SLC44A5: variants seen among roughly 807,000 people sequenced by gnomAD.
SLC44A5 encodes choline transporter-like protein 5.
In SLC44A5, 57 loss-of-function variants were observed where a neutral mutation model predicts 101.8. The observed-to-expected ratio is 0.56, with a 90% confidence interval of 0.45 to 0.70. The LOEUF (loss-of-function observed/expected upper bound fraction) is 0.70. Ranked by LOEUF, SLC44A5 falls within the 30% of genes least tolerant of loss-of-function variation. SLC44A5 has a pLI of 0.00. For synonymous variants in SLC44A5, 281 were observed against 290.9 expected, an observed-to-expected ratio of 0.97 and a Z score of 0.35; for missense variants, 737 against 853.1, an observed-to-expected ratio of 0.86 and a Z score of 1.70.
chr1:75,542,426 T>C (rs952172730), intron 1 of SLC44A5, among the ~76,000 whole-genome samples: 5 of 152,166 alleles, frequency 3.3e-5, no homozygotes, highest in African/African-American at 1.2e-4. Flanking sequence ...AATGTCATAC[T>C]ACATAAATGA....
intron 2 of SLC44A5, among the ~76,000 whole-genome samples, chr1:75,461,911 T>G (rs569335621): frequency 6.6e-6 from 1 of 152,322 alleles, no homozygotes; most frequent in South Asian, 2.1e-4. Flanking sequence ...TGACTCTAGT[T>G]CCTGGCTCCC....
the SLC44A5 span, among the ~76,000 whole-genome samples, chr1:75,625,799 C>T: frequency 6.6e-6 from 1 of 152,100 alleles, no homozygotes; most frequent in East Asian, 1.9e-4. Context: ...TTTCTGACTC[C>T]AGCCTTCCAA....
chr1:75,308,391 AT>A (rs564898630), intron 4 of SLC44A5, among the ~76,000 whole-genome samples: 3,887 of 145,428 alleles, frequency 0.027, 157 homozygotes, highest in African/African-American at 0.09. Flanking sequence ...TTGAAACCTG[AT>A]TTTTTTTTTT....
upstream of SLC44A5, chr1:75,615,728 A>C: frequency 2.1e-6 from 1 of 487,246 alleles, no homozygotes; most frequent in Non-Finnish European, 2.7e-6. Flanking sequence ...CTCCCCGGAC[A>C]CGGCAAACTC....
the SLC44A5 span, among the ~76,000 whole-genome samples, chr1:75,655,051 C>T: frequency 6.6e-6 from 1 of 152,128 alleles, no homozygotes; most frequent in African/African-American, 2.4e-5. Flanking sequence ...AAGATTAATC[C>T]AGATTAAAAG....
Position 75,291,403 on chromosome 1 carries a change from C to G in SLC44A5, c.175+9209G>C, listed in dbSNP as rs1308518018. Among the ~76,000 whole-genome samples the G allele has an allele frequency of 2.0e-5, 3 of 152,220 alleles. No homozygotes were observed. In the East Asian group the frequency reaches 5.8e-4, roughly 29 times the overall value. ...ACCTAGAACCTGGGAATATAATGGTCCTTGCTCTCCCAAAGCCTACAGTCT... is the reference window on the plus strand; with the variant it reads ...ACCTAGAACCTGGGAATATAATGGTGCTTGCTCTCCCAAAGCCTACAGTCT... On this transcript the variant is annotated intron_variant, in intron 5 of 23. Coordinates refer to ENST00000370859, the MANE Select transcript of SLC44A5 (RefSeq NM_001130058.2).
intron 2 of SLC44A5, among the ~76,000 whole-genome samples, chr1:75,404,748 A>G (rs1328958068): frequency 6.6e-6 from 1 of 152,204 alleles, no homozygotes; most frequent in African/African-American, 2.4e-5. Flanking sequence ...AAAACATACC[A>G]ATTGTAAAGA....
intron 1 of SLC44A5, among the ~76,000 whole-genome samples, chr1:75,547,838 C>T (rs185133191): frequency 3.3e-5 from 5 of 152,186 alleles, no homozygotes; most frequent in East Asian, 1.9e-4. Context: ...CCTGATTTGG[C>T]GCCTTCTAAC....
At chr1:75,310,541 A>G (rs554612891) in intron 4 of SLC44A5, among the ~76,000 whole-genome samples, 1 of 152,296 alleles carries the variant, frequency 6.6e-6, no homozygotes, top group Admixed American at 6.5e-5. Context: ...CTTCTCTACT[A>G]GCGGACACAA....
chr1:75,376,265 C>T (rs1202647350), intron 3 of SLC44A5, among the ~76,000 whole-genome samples: 29 of 152,324 alleles, frequency 1.9e-4, no homozygotes, highest in African/African-American at 4.6e-4. Context: ...GGGGGAGGGG[C>T]GCCCGCCATT....
At chr1:75,217,833 T>A (rs1309084905) in intron 18 of SLC44A5, 33 bp downstream of exon 18, 5 of 1,390,992 alleles carry the variant, frequency 3.6e-6, no homozygotes, top group Non-Finnish European at 4.1e-6. Context: ...CAATTTATTA[T>A]CTTCACAAAA....
the SLC44A5 span, among the ~76,000 whole-genome samples, chr1:75,682,254 C>T: frequency 6.6e-6 from 1 of 152,100 alleles, no homozygotes; most frequent in African/African-American, 2.4e-5. Context: ...GAAAAAACTA[C>T]TTTAAAGTTC....
chr1:75,446,633 G>C (rs1317006758), intron 2 of SLC44A5, among the ~76,000 whole-genome samples: 1 of 147,478 alleles, frequency 6.8e-6, no homozygotes, highest in Non-Finnish European at 1.5e-5. Flanking sequence ...TGTGAACTGT[G>C]AATAGTGCCT....
At chr1:75,341,111 T>C (rs1246125121) in intron 3 of SLC44A5, among the ~76,000 whole-genome samples, 1 of 152,242 alleles carries the variant, frequency 6.6e-6, no homozygotes, top group Non-Finnish European at 1.5e-5. Context: ...AACAACATTT[T>C]TTGGATCCTT....
At chr1:75,402,712 A>G (rs1662573489) in intron 2 of SLC44A5, among the ~76,000 whole-genome samples, 1 of 152,062 alleles carries the variant, frequency 6.6e-6, no homozygotes, top group Admixed American at 6.5e-5. Context: ...AGGTTCCCTC[A>G]GGTGCCTACA....
Position 75,481,475 on chromosome 1 carries a change from A to T in SLC44A5, c.13+59960T>A, listed in dbSNP as rs187410610. Among the ~76,000 whole-genome samples the T allele has an allele frequency of 2.0e-5, 3 of 152,208 alleles. No homozygotes were observed. In the East Asian group the frequency reaches 5.8e-4, roughly 29 times the overall value. ...CATCAGACTGAACAGGCAACCTACA[A>T]AATGGGAGAAAATTTTCACAACCTA... On this transcript the variant is annotated intron_variant, in intron 2 of 23. Coordinates refer to ENST00000370859, the MANE Select transcript of SLC44A5 (RefSeq NM_001130058.2).
intron 2 of SLC44A5, among the ~76,000 whole-genome samples, chr1:75,477,427 G>C (rs999203434): frequency 6.6e-6 from 1 of 152,224 alleles, no homozygotes; most frequent in African/African-American, 2.4e-5. Flanking sequence ...CGAGTTGAGA[G>C]AAGGCTTCAG....
chr1:75,451,150 G>A (rs949171648), intron 2 of SLC44A5, among the ~76,000 whole-genome samples: 1 of 152,166 alleles, frequency 6.6e-6, no homozygotes, highest in Non-Finnish European at 1.5e-5. Context: ...GCCAGCAGGC[G>A]ACTTCTAGGT....
At chr1:75,251,818 C>A (rs922156790) in intron 6 of SLC44A5, among the ~76,000 whole-genome samples, 1 of 152,102 alleles carries the variant, frequency 6.6e-6, no homozygotes, top group Non-Finnish European at 1.5e-5. Flanking sequence ...TTAAGTGATA[C>A]TTTCTCTCTG....
Sources: allele counts gnomAD v4.1 joint callset (sites outside exome capture counted in the v4.1 genomes callset), GRCh38; gene constraint gnomAD v4.1.1; transcripts MANE v1.5; gene names NCBI Gene and HGNC (gene_info 2026-07-23, HGNC 2026-07-21).